Variants in TNKS observed in about 807,000 individuals in gnomAD.
TNKS encodes poly [ADP-ribose] polymerase tankyrase-1.
A neutral mutation model predicts 135.8 loss-of-function variants in TNKS; 72 were observed. That is an observed-to-expected ratio of 0.53 (90% confidence interval 0.44 to 0.64). The LOEUF (loss-of-function observed/expected upper bound fraction) is 0.64, where lower values mean the gene tolerates loss of function less well. Ranked by LOEUF, TNKS falls within the 30% of genes least tolerant of loss-of-function variation. TNKS has a pLI of 0.00. For synonymous variants in TNKS, 849 were observed against 649.3 expected (o/e 1.31, Z -4.68); for missense variants, 1,769 against 1,674.0 (o/e 1.06, Z -0.99).
intron 20 of TNKS, among the ~76,000 whole-genome samples, chr8:9,755,982 A>G (rs2128830589): frequency 6.6e-6 from 1 of 152,350 alleles, no homozygotes; most frequent in Non-Finnish European, 1.5e-5. Flanking sequence ...AATGAAATAT[A>G]GTACCCATGT....
At chr8:9,683,948 G>C (rs1251797474) in intron 5 of TNKS, among the ~76,000 whole-genome samples, 1 of 151,672 alleles carries the variant, frequency 6.6e-6, no homozygotes, top group African/African-American at 2.4e-5. Flanking sequence ...AATTTTATTG[G>C]CTTTTTTTTT....
rs56391258 is a variant in TNKS at position 9,718,494 on chromosome 8, C to A, written c.1750-1880C>A. On this transcript the variant is annotated intron_variant, in intron 11 of 26. Transcript: ENST00000310430. ...AGCCATTTCTTTGTGGTCTGCTTGC[C>A]GGTTTCCAGAACTGTTTTGGCATTT... Among the ~76,000 whole-genome samples the A allele has an allele frequency of 2.1e-3, 321 of 152,226 alleles. 2 individuals carry two copies. The highest frequency in any genetic ancestry group is 7.4e-3 in the African/African-American group (306 of 41,546).
rs751138487 is a variant in TNKS at position 9,777,472 on chromosome 8, G to C, written c.*736G>C. ...AGGGCACAAACACCAACCTGACTTA[G>C]GAACGCCTAAATTCAGAGAAGTCAA... On this transcript the variant is annotated 3_prime_UTR_variant, in exon 27 of 27. Coordinates refer to ENST00000310430, the MANE Select transcript of TNKS (RefSeq NM_003747.3). The C allele has an allele frequency of 2.0e-5, 3 of 152,246 alleles. No individual in the cohort carries two copies. Among genetic ancestry groups the C allele is most frequent in the Non-Finnish European group, 4.4e-5 (3 of 68,096 alleles). The allele number at this position is 152,246 out of a possible 1,614,324, so 9.4% of individuals were successfully genotyped here.
intron 3 of TNKS, among the ~76,000 whole-genome samples, chr8:9,644,249 GT>G (rs1309956607): frequency 6.6e-6 from 1 of 152,156 alleles, no homozygotes; most frequent in Non-Finnish European, 1.5e-5. Flanking sequence ...CTTAAAAGTG[GT>G]TAAGGTGATA....
chr8:9,585,347 CA>C, intron 2 of TNKS, among the ~76,000 whole-genome samples: 1 of 150,890 alleles, frequency 6.6e-6, no homozygotes, highest in East Asian at 1.9e-4. Context: ...GTTTCAGAGG[CA>C]GGGGAAAAAA....
intron 9 of TNKS, among the ~76,000 whole-genome samples, chr8:9,709,243 T>G (rs1158039402): frequency 6.6e-6 from 1 of 152,200 alleles, no homozygotes; most frequent in African/African-American, 2.4e-5. Context: ...GCTAACTATA[T>G]GTACACTTAA....
chr8:9,611,958 G>A (rs1276533456), intron 2 of TNKS, among the ~76,000 whole-genome samples: 1 of 152,098 alleles, frequency 6.6e-6, no homozygotes, highest in Non-Finnish European at 1.5e-5. Context: ...GAGAAGAAGA[G>A]ATTCTATTTG....
At chr8:9,666,000 T>C (rs1443954015) in intron 3 of TNKS, among the ~76,000 whole-genome samples, 1 of 152,140 alleles carries the variant, frequency 6.6e-6, no homozygotes, top group Non-Finnish European at 1.5e-5. Flanking sequence ...TCCAAATAAA[T>C]GTGCAAAGTC....
intron 3 of TNKS, among the ~76,000 whole-genome samples, chr8:9,666,648 G>A (rs950076970): frequency 1.3e-5 from 2 of 151,952 alleles, no homozygotes; most frequent in Admixed American, 1.3e-4. Context: ...TGAAACCCAG[G>A]AGGCAGAGTT....
intron 3 of TNKS, among the ~76,000 whole-genome samples, chr8:9,621,029 A>G (rs1400331570): frequency 6.6e-6 from 1 of 152,364 alleles, no homozygotes; most frequent in South Asian, 2.1e-4. Flanking sequence ...ATAAATACTC[A>G]TTAACCATTA....
chr8:9,662,617 G>GAT (rs1453727714), intron 3 of TNKS, among the ~76,000 whole-genome samples: 1 of 152,120 alleles, frequency 6.6e-6, no homozygotes, highest in Non-Finnish European at 1.5e-5. Context: ...AGGGGGAAGG[G>GAT]ATAGCATTAG....
chr8:9,661,463 G>A (rs1331798367), intron 3 of TNKS, among the ~76,000 whole-genome samples: 2 of 151,980 alleles, frequency 1.3e-5, no homozygotes, highest in African/African-American at 4.8e-5. Flanking sequence ...TGACAAGCCT[G>A]ACAAAAACAA....
In TNKS at chr8:9,661,869, G is replaced by C. The variant is rs997381522; in HGVS notation, c.995-18082G>C. Among the ~76,000 whole-genome samples, 27 of 152,154 alleles carry C rather than the reference G, an allele frequency of 1.8e-4. 3 individuals are homozygous for C. The highest frequency in any genetic ancestry group is 6.3e-4 in the African/African-American group (26 of 41,486). The stretch of plus-strand genomic sequence containing the variant: ...AGGGCTAATATCCAGAATTTACAAA[G>C]AACTCAAACAAATGTACAAGAAAAA... On this transcript the variant is annotated intron_variant, in intron 3 of 26. Transcript: ENST00000310430.
intron 20 of TNKS, 51 bp downstream of exon 20, chr8:9,752,677 G>A (rs1452075855): frequency 7.8e-7 from 1 of 1,284,140 alleles, no homozygotes; most frequent in Non-Finnish European, 1.1e-6. Context: ...ACTAAGATTA[G>A]GCTGGATGCA....
chr8:9,772,818 TGTGTGTGTGTGTCTG>T (rs1807999803), intron 26 of TNKS, among the ~76,000 whole-genome samples: 1 of 78,272 alleles, frequency 1.3e-5, no homozygotes, highest in Non-Finnish European at 2.4e-5. Context: ...TTTGTGTGTG[TGTGTGTGTGTGTCTG>T]TGTGTGTGTG....
chr8:9,628,248 G>A (rs1449925291), intron 3 of TNKS, among the ~76,000 whole-genome samples: 1 of 152,102 alleles, frequency 6.6e-6, no homozygotes, highest in African/African-American at 2.4e-5. Context: ...AGAGTATACG[G>A]AACTGCCCAT....
intron 3 of TNKS, among the ~76,000 whole-genome samples, chr8:9,668,427 C>G (rs1401100726): frequency 6.6e-6 from 1 of 152,112 alleles, no homozygotes; most frequent in Admixed American, 6.5e-5. Flanking sequence ...TTTTTGAATT[C>G]CATGAAATTA....
intron 3 of TNKS, among the ~76,000 whole-genome samples, chr8:9,672,630 T>C (rs1802329022): frequency 1.3e-5 from 2 of 149,132 alleles, no homozygotes; most frequent in South Asian, 2.1e-4. Context: ...TAAATCACTT[T>C]TTATGCAGCA....
At chr8:9,676,268 C>T (rs1486574220) in intron 3 of TNKS, among the ~76,000 whole-genome samples, 1 of 152,142 alleles carries the variant, frequency 6.6e-6, no homozygotes, top group Admixed American at 6.5e-5. Flanking sequence ...CTGCTTTGGC[C>T]TCCCAGTGTG....
Sources: allele counts gnomAD v4.1 joint callset (sites outside exome capture counted in the v4.1 genomes callset), GRCh38; gene constraint gnomAD v4.1.1; transcripts MANE v1.5; gene names NCBI Gene and HGNC (gene_info 2026-07-23, HGNC 2026-07-21).